The following MALRD1 variants were observed in gnomAD, a reference collection of about 807,000 sequenced individuals.
The protein encoded by MALRD1 is MAM and LDL-receptor class A domain-containing protein 1.
MALRD1 carries 247 observed loss-of-function variants against 242.1 expected under a neutral mutation model. That is an observed-to-expected ratio of 1.02 (90% CI 0.92 to 1.13). The LOEUF (loss-of-function observed/expected upper bound fraction) is 1.13. Ranked by LOEUF, MALRD1 falls within the 50% of genes most tolerant of loss-of-function variation. MALRD1 has a pLI of 0.00. For missense variants in MALRD1, 2,989 were observed against 2,533.1 expected (o/e 1.18, Z -3.86); for synonymous variants, 995 against 866.6 (o/e 1.15, Z -2.60).
chr10:19,224,065 G>C (rs1837677586), intron 18 of MALRD1, among the ~76,000 whole-genome samples: 3 of 152,092 alleles, frequency 2.0e-5, no homozygotes, highest in Admixed American at 1.3e-4. Context: ...TGTGTACCTA[G>C]TAATGAGATT....
intron 1 of MALRD1, among the ~76,000 whole-genome samples, chr10:19,053,554 G>A (rs1236617974): frequency 2.0e-5 from 3 of 152,128 alleles, no homozygotes; most frequent in Non-Finnish European, 2.9e-5. Flanking sequence ...TGAAATGTGG[G>A]TGTATACAGA....
chr10:19,133,716 C>G (rs1833206532), intron 8 of MALRD1, 140 bp from the exon 9 acceptor site: 1 of 399,098 alleles, frequency 2.5e-6, no homozygotes. Flanking sequence ...TTCAATTTTA[C>G]TACCAAGACT....
rs187451827 is a variant in MALRD1, at chr10:19,303,077, A to G, written c.3419+19896A>G. Among the ~76,000 whole-genome samples the G allele has an allele frequency of 5.1e-3, 773 of 151,644 alleles. 11 individuals carry two copies. Among genetic ancestry groups the G allele is most frequent in the South Asian group, 0.046 (224 of 4,824 alleles). ...TTTGGGCTAAATACGCAATTGAAAG[A>G]CAAAGATAGACTGGATGAAAAGTTA... On this transcript the variant is annotated intron_variant, in intron 21 of 39. Transcript: ENST00000454679.
At chr10:19,083,111 T>A (rs1413229088) in intron 2 of MALRD1, among the ~76,000 whole-genome samples, 1 of 152,042 alleles carries the variant, frequency 6.6e-6, no homozygotes, top group African/African-American at 2.4e-5. Context: ...CTCCCAAAAG[T>A]CTCATCTTCA....
intron 36 of MALRD1, among the ~76,000 whole-genome samples, chr10:19,664,532 A>G (rs1198711340): frequency 6.6e-6 from 1 of 151,958 alleles, no homozygotes; most frequent in Non-Finnish European, 1.5e-5. Context: ...TGGCCTTTGT[A>G]TATGTCAAAA....
chr10:19,272,938 A>G (rs1840328742), intron 19 of MALRD1, among the ~76,000 whole-genome samples: 2 of 152,112 alleles, frequency 1.3e-5, no homozygotes, highest in African/African-American at 2.4e-5. Flanking sequence ...TCATTGATGG[A>G]CATTTGGGTT....
intron 29 of MALRD1, among the ~76,000 whole-genome samples, chr10:19,474,329 A>T (rs1319591273): frequency 6.6e-6 from 1 of 152,174 alleles, no homozygotes. Context: ...AAATATAGAA[A>T]CATTTGTAAA....
intron 28 of MALRD1, among the ~76,000 whole-genome samples, chr10:19,409,751 A>G (rs1234623002): frequency 6.6e-6 from 1 of 152,176 alleles, no homozygotes; most frequent in East Asian, 1.9e-4. Context: ...TTATCTCACA[A>G]TAAGAACTTT....
At chr10:19,394,195 T>C (rs150124680) in intron 28 of MALRD1, among the ~76,000 whole-genome samples, 99 of 152,290 alleles carry the variant, frequency 6.5e-4, no homozygotes, top group African/African-American at 2.1e-3. Context: ...ATTAAATTAG[T>C]TCATTGCTTT....
intron 21 of MALRD1, among the ~76,000 whole-genome samples, chr10:19,297,072 T>C (rs923510790): frequency 5.3e-5 from 8 of 150,752 alleles, no homozygotes; most frequent in African/African-American, 1.9e-4. Context: ...TCTTTTCTCT[T>C]GGTATTATCT....
intron 31 of MALRD1, among the ~76,000 whole-genome samples, chr10:19,524,940 G>A (rs1360211993): frequency 2.6e-5 from 4 of 151,576 alleles, no homozygotes; most frequent in Non-Finnish European, 5.9e-5. Context: ...TTTTGCTCTT[G>A]TTATCCAGGC....
At chr10:19,463,553 A>AGTGTGTGTGTGT (rs142025703) in intron 29 of MALRD1, among the ~76,000 whole-genome samples, 62 of 150,142 alleles carry the variant, frequency 4.1e-4, no homozygotes, top group African/African-American at 1.2e-3. Context: ...GTGGCTGAGT[A>AGTGTGTGTGTGT]GTGTGTGTGT....
At chr10:19,138,356 C>T (rs747060674) in intron 10 of MALRD1, among the ~76,000 whole-genome samples, 9 of 151,890 alleles carry the variant, frequency 5.9e-5, no homozygotes, top group Non-Finnish European at 1.3e-4. Context: ...TTCTTTCTAA[C>T]AGTTTCTATA....
chr10:19,653,873 G>C (rs187310655), intron 36 of MALRD1, among the ~76,000 whole-genome samples: 1 of 152,242 alleles, frequency 6.6e-6, no homozygotes, highest in East Asian at 1.9e-4. Flanking sequence ...ATGATGGAGA[G>C]CTAATTTGGG....
At chr10:19,055,640 A>C (rs1348419926) in intron 1 of MALRD1, among the ~76,000 whole-genome samples, 1 of 152,190 alleles carries the variant, frequency 6.6e-6, no homozygotes, top group African/African-American at 2.4e-5. Flanking sequence ...CAGTTTTTCT[A>C]ACATCGTTTA....
intron 5 of MALRD1, among the ~76,000 whole-genome samples, chr10:19,117,881 A>C (rs1291747365): frequency 1.3e-5 from 2 of 152,250 alleles, no homozygotes; most frequent in Non-Finnish European, 2.9e-5. Context: ...TCATTTATCA[A>C]ACAAGTATAC....
Position 19,734,338 on chromosome 10 carries a change from AG to A in MALRD1, c.*103del. On this transcript the variant is annotated 3_prime_UTR_variant, in exon 40 of 40. Coordinates refer to ENST00000454679, the MANE Select transcript of MALRD1 (RefSeq NM_001142308.3). ...ATCTTCTACAATGGTAAAAAGAGAA[AG>A]GATTGTAAATGCCAGTGTAATTATA... 1.0e-6 allele frequency: 1 copy of A among 985,370 alleles called. No homozygotes were observed. The allele number at this position is 985,370 out of a possible 1,614,324, so 61.0% of individuals were successfully genotyped here. A position where few individuals can be genotyped will look rare whatever the true frequency, so the allele number is the denominator to read the frequency against.
At chr10:19,594,292 A>T (rs1482898841) in intron 33 of MALRD1, among the ~76,000 whole-genome samples, 1 of 152,200 alleles carries the variant, frequency 6.6e-6, no homozygotes. Flanking sequence ...TTTTTAAGAA[A>T]TATTGTACTG....
intron 36 of MALRD1, among the ~76,000 whole-genome samples, chr10:19,668,327 G>A (rs1841768638): frequency 6.6e-6 from 1 of 152,114 alleles, no homozygotes; most frequent in Admixed American, 6.5e-5. Context: ...GAGGCAAAAT[G>A]ACACCAGAAT....
Sources: gnomAD v4.1 joint callset for allele counts (sites outside exome capture counted in the v4.1 genomes callset) on GRCh38, gnomAD v4.1.1 for gene constraint, MANE v1.5 for transcripts, NCBI Gene and HGNC (gene_info 2026-07-23, HGNC 2026-07-21) for gene names.